The following WNT10A variants were observed in gnomAD, a reference collection of about 807,000 sequenced individuals.
WNT10A encodes Wnt family member 10A.
In WNT10A, 37 loss-of-function variants were observed where a neutral mutation model predicts 36.1. That is an observed-to-expected ratio of 1.02 (90% CI 0.79 to 1.35). WNT10A has a LOEUF of 1.35. WNT10A is among the 40% of genes most tolerant of loss of function. The pLI is 0.00. For missense variants in WNT10A, 613 were observed against 601.4 expected (o/e 1.02, Z -0.20); for synonymous variants, 255 against 254.1 (o/e 1.00, Z -0.03).
the WNT10A span, among the ~76,000 whole-genome samples, chr2:218,875,744 T>C: frequency 6.6e-6 from 1 of 152,212 alleles, no homozygotes; most frequent in East Asian, 1.9e-4. Flanking sequence ...TTTTGAGATA[T>C]GAAAGCCTTT....
upstream of WNT10A, among the ~76,000 whole-genome samples, chr2:218,879,202 C>T (rs1944482117): frequency 6.6e-6 from 1 of 152,074 alleles, no homozygotes; most frequent in Non-Finnish European, 1.5e-5. Flanking sequence ...CAGGCCGCCC[C>T]CACCACCTGA....
At chr2:218,888,306 C>T (rs563035494) in intron 2 of WNT10A, among the ~76,000 whole-genome samples, 1 of 152,356 alleles carries the variant, frequency 6.6e-6, no homozygotes, top group East Asian at 1.9e-4. Flanking sequence ...GAATGGGACC[C>T]TCCTTTGCAA....
intron 2 of WNT10A, among the ~76,000 whole-genome samples, chr2:218,888,695 T>C (rs1242695472): frequency 1.3e-5 from 2 of 152,116 alleles, no homozygotes; most frequent in African/African-American, 2.4e-5. Context: ...GGTGACCCAT[T>C]TCTTTGCCTC....
intron 1 of WNT10A, 43 bp downstream of exon 1, chr2:218,881,151 C>A (rs1385496769): frequency 1.9e-6 from 3 of 1,557,882 alleles, no homozygotes; most frequent in Admixed American, 3.8e-5. Flanking sequence ...AGAGTTGGGA[C>A]CCCGGCCTGC....
At position 218,880,905 on chromosome 2, in the gene WNT10A, A is replaced by AC. The variant is rs1468230166; in HGVS notation, c.-85dup. The AC allele has an allele frequency of 2.0e-5, 29 of 1,422,568 alleles. No homozygotes were observed. Among genetic ancestry groups the AC allele is most frequent in the Middle Eastern group, 2.5e-4 (1 of 3,932 alleles). 88.1% of individuals were successfully genotyped at this position (1,422,568 alleles called of 1,614,324 possible). ...GGAGCTGTGTGTCGCAGCCGCCCCG[A>AC]CCCCCCGCCGATCATGCGCCGGCGC... On this transcript the variant is annotated 5_prime_UTR_variant, in exon 1 of 4. Coordinates refer to ENST00000258411, the MANE Select transcript of WNT10A (RefSeq NM_025216.3). The surrounding 1 kb of genome is among the most constrained non-coding windows in gnomAD (Gnocchi z 7.7).
At position 218,893,462 on chromosome 2, in the gene WNT10A, A is replaced by C; in HGVS notation, c.*191A>C. On this transcript the variant is annotated 3_prime_UTR_variant, in exon 4 of 4. Transcript: ENST00000258411. The surrounding 1 kb of genome is among the most constrained non-coding windows in gnomAD (Gnocchi z 6.3). ...AGTCCAGGCCTGTCTGAACCCCACC[A>C]CTCACTTCTGTGGGCTCTAGGACTG... is the stretch of plus-strand genomic sequence containing the variant. 5 of 735,564 alleles carry C rather than the reference A, an allele frequency of 6.8e-6. No homozygotes were observed. The highest frequency in any genetic ancestry group is 1.0e-5 in the Non-Finnish European group (5 of 483,198). The allele number at this position is 735,564 out of a possible 1,614,324, so 45.6% of individuals were successfully genotyped here.
chr2:218,892,303 CCACACA>C (rs60385784), intron 3 of WNT10A, among the ~76,000 whole-genome samples: 20,841 of 100,756 alleles, frequency 0.21, 3,351 homozygotes, highest in Admixed American at 0.24. Flanking sequence ...ACCCACCCCA[CCACACA>C]CACACACACA....
chr2:218,883,556 G>A (rs1292217351), intron 2 of WNT10A, among the ~76,000 whole-genome samples: 1 of 8,218 alleles, frequency 1.2e-4, no homozygotes, highest in Non-Finnish European at 2.8e-4. Flanking sequence ...CCCCGCCCCC[G>A]CGCGCTCCCT....
intron 2 of WNT10A, among the ~76,000 whole-genome samples, chr2:218,884,874 T>A (rs553808387): frequency 6.6e-6 from 1 of 152,222 alleles, no homozygotes; most frequent in Non-Finnish European, 1.5e-5. Flanking sequence ...GCTGACCCCT[T>A]TTCTGACCCA....
the WNT10A span, among the ~76,000 whole-genome samples, chr2:218,875,391 C>T: frequency 3.3e-5 from 5 of 151,562 alleles, no homozygotes; most frequent in South Asian, 2.1e-4. Context: ...GGGGTTTCAC[C>T]GTGTTAGCCA....
intron 2 of WNT10A, among the ~76,000 whole-genome samples, chr2:218,889,777 G>A (rs1159010420): frequency 6.6e-6 from 1 of 152,200 alleles, no homozygotes; most frequent in Non-Finnish European, 1.5e-5. Flanking sequence ...GGGCTATTGG[G>A]AAGCCTCCCT....
upstream of WNT10A, among the ~76,000 whole-genome samples, chr2:218,876,531 G>A (rs1944455016): frequency 6.6e-6 from 1 of 152,084 alleles, no homozygotes; most frequent in Non-Finnish European, 1.5e-5. Context: ...GCCTCCTCTT[G>A]GCTCCCTTGG....
chr2:218,880,723 CG>C (rs994332539), upstream of WNT10A: 15 of 411,234 alleles, frequency 3.6e-5, no homozygotes, highest in East Asian at 4.6e-5. This position sits in a 1 kb window ranked among gnomAD's most constrained non-coding sequence, Gnocchi z 7.7. Flanking sequence ...GGAGTTGTCG[CG>C]GGGGGGCCTC....
At chr2:218,879,761 C>T (rs954193018), upstream of WNT10A, among the ~76,000 whole-genome samples, 2 of 152,210 alleles carry the variant, frequency 1.3e-5, no homozygotes, top group Non-Finnish European at 2.9e-5. Flanking sequence ...TCGGTTCTCG[C>T]TCTTCCGCTA....
In WNT10A at chr2:218,892,906, G is replaced by C; in HGVS notation, c.889G>C (p.Ala297Pro). 2 of 1,535,850 alleles carry C rather than the reference G, an allele frequency of 1.3e-6. No homozygotes were observed. Among genetic ancestry groups the C allele is most frequent in the Non-Finnish European group, 1.7e-6 (2 of 1,144,478 alleles). The change falls in exon 4 of 4, where the codon GCC becomes CCC. Residue 297 changes from alanine (A) to proline (P), a missense_variant. Coordinates refer to ENST00000258411, the MANE Select transcript of WNT10A (RefSeq NM_025216.3). ...GALLRSRFHRATLIRPHNRNG... is the reference protein window; with the variant it reads ...GALLRSRFHRPTLIRPHNRNG... ...GCTGCTGCGCAGCCGCTTCCACCGC[G>C]CCACGCTCATCCGGCCGCACAACCG...
At chr2:218,888,994 G>A (rs1048580476) in intron 2 of WNT10A, among the ~76,000 whole-genome samples, 1 of 152,112 alleles carries the variant, frequency 6.6e-6, no homozygotes, top group Non-Finnish European at 1.5e-5. Context: ...GTTCTTTCGT[G>A]GTGATTTCTG....
At chr2:218,888,799 C>T (rs764954210) in intron 2 of WNT10A, among the ~76,000 whole-genome samples, 2 of 152,204 alleles carry the variant, frequency 1.3e-5, no homozygotes, top group East Asian at 1.9e-4. Context: ...AGGAGCTGAC[C>T]GTCTCCTCTT....
upstream of WNT10A, among the ~76,000 whole-genome samples, chr2:218,877,927 T>G (rs1295300260): frequency 6.6e-6 from 1 of 152,132 alleles, no homozygotes; most frequent in African/African-American, 2.4e-5. This position sits in a 1 kb window ranked among gnomAD's most constrained non-coding sequence, Gnocchi z 4.1. Context: ...GGGGCTGGAC[T>G]GGGCTAGGCT....
At chr2:218,885,299 G>C (rs929493281) in intron 2 of WNT10A, among the ~76,000 whole-genome samples, 2 of 152,250 alleles carry the variant, frequency 1.3e-5, no homozygotes, top group African/African-American at 4.8e-5. Flanking sequence ...AGTGCCAATG[G>C]CACTGGTAGC....
Sources: gnomAD v4.1 joint callset for allele counts (sites outside exome capture counted in the v4.1 genomes callset) on GRCh38, gnomAD v4.1.1 for gene constraint, Gnocchi (gnomAD v3.1) non-coding constraint, MANE v1.5 for transcripts, NCBI Gene and HGNC (gene_info 2026-07-23, HGNC 2026-07-21) for gene names.